TRPM2: variants seen among roughly 807,000 people sequenced by gnomAD.
TRPM2 encodes estrogen-responsive element-associated gene 1 protein.
Under a neutral mutation model 174.0 loss-of-function variants are expected in TRPM2, and 161 were observed. The ratio of observed to expected loss-of-function variants is 0.93; its 90% CI spans 0.81 to 1.05. The LOEUF (loss-of-function observed/expected upper bound fraction) is 1.05. Among genes scored for constraint, TRPM2 ranks in the 50% least tolerant of loss-of-function variants. TRPM2 has a pLI of 0.00. For missense variants in TRPM2, 2,057 were observed against 2,038.0 expected, an observed-to-expected ratio of 1.01 and a Z score of -0.18; for synonymous variants, 954 against 861.3, an observed-to-expected ratio of 1.11 and a Z score of -1.88.
intron 5 of TRPM2, among the ~76,000 whole-genome samples, chr21:44,370,086 C>G (rs1299961451): frequency 6.6e-6 from 1 of 152,082 alleles, no homozygotes; most frequent in Non-Finnish European, 1.5e-5. Context: ...CCAGGTGACC[C>G]CGGACAAACG....
At chr21:44,351,109 C>G (rs1262981351), upstream of TRPM2, among the ~76,000 whole-genome samples, 4 of 152,360 alleles carry the variant, frequency 2.6e-5, no homozygotes, top group African/African-American at 9.6e-5. Context: ...CCTGCCCAGA[C>G]AGAACCTTCC....
intron 2 of TRPM2, among the ~76,000 whole-genome samples, chr21:44,356,800 T>G (rs971833631): frequency 6.6e-6 from 1 of 152,176 alleles, no homozygotes; most frequent in Non-Finnish European, 1.5e-5. Context: ...GGATTATTCA[T>G]GAGTTTTATG....
chr21:44,425,364 C>G (rs139539692), intron 24 of TRPM2: 6 of 407,268 alleles, frequency 1.5e-5, no homozygotes, highest in Non-Finnish European at 2.2e-5. Context: ...TGAGTTTCGC[C>G]GGCCCTCAAG....
chr21:44,406,522 C>T (rs1367808340), intron 18 of TRPM2, 72 bp from the exon 19 acceptor site: 1 of 1,512,752 alleles, frequency 6.6e-7, no homozygotes, highest in Non-Finnish European at 8.8e-7. Context: ...TCCACCGCTG[C>T]TGGGCCTGCC....
At chr21:44,395,009 C>T (rs1411334354) in intron 11 of TRPM2, among the ~76,000 whole-genome samples, 1 of 152,168 alleles carries the variant, frequency 6.6e-6, no homozygotes, top group Non-Finnish European at 1.5e-5. Context: ...AGTGGCCTCT[C>T]TGCCAGAGAC....
rs545883415 is a variant in TRPM2 at position 44,423,291 on chromosome 21, C to G, written c.3462-354C>G. 58 of 303,626 alleles carry G rather than the reference C, an allele frequency of 1.9e-4. No individual in the cohort carries two copies. In the South Asian group the frequency reaches 2.2e-3, roughly 12 times the overall value. The allele number at this position is 303,626 out of a possible 1,614,324, so 18.8% of individuals were successfully genotyped here. A position where few individuals can be genotyped will look rare whatever the true frequency, so the allele number is the denominator to read the frequency against. On this transcript the variant is annotated intron_variant, in intron 22 of 31. Transcript: ENST00000397928. ...AGCAACAGTGCCGCGCCACATCACC[C>G]CCAAAACAAAACCAACCTCTGCTGT...
At chr21:44,409,042 G>A (rs1395167743) in intron 19 of TRPM2, among the ~76,000 whole-genome samples, 1 of 152,082 alleles carries the variant, frequency 6.6e-6, no homozygotes, top group Admixed American at 6.6e-5. Context: ...TTTACGTAAG[G>A]ATGCCAGTCT....
intron 6 of TRPM2, 120 bp from the exon 7 acceptor site, chr21:44,377,592 A>C: frequency 7.5e-7 from 1 of 1,337,582 alleles, no homozygotes; most frequent in Non-Finnish European, 1.1e-6. Context: ...CCCTCAGTGC[A>C]GGGTCTTGCC....
chr21:44,364,284 T>C lies in TRPM2; in HGVS notation c.423+2T>C. 1 of 1,613,840 alleles carries C rather than the reference T, an allele frequency of 6.2e-7. No individual in the cohort carries two copies. The highest frequency in any genetic ancestry group is 2.2e-5 in the East Asian group (1 of 44,876). Reference sequence around the variant, plus strand: ...GGCCTGAGCCAGAAGGTGAAAAAGGTTGGTTTCCATCACTCTCGCTCTGAA... The same window carrying C: ...GGCCTGAGCCAGAAGGTGAAAAAGGCTGGTTTCCATCACTCTCGCTCTGAA... On this transcript the variant is annotated splice_donor_variant, in intron 3 of 31. Transcript: ENST00000397928. LOFTEE classifies it high-confidence loss of function.
intron 22 of TRPM2, chr21:44,422,182 CTG>C: frequency 7.0e-7 from 1 of 1,438,824 alleles, no homozygotes; most frequent in Non-Finnish European, 9.2e-7. Context: ...AGTGAAGAAG[CTG>C]GGCACCTGGG....
chr21:44,367,451 T>C lies in TRPM2; in HGVS notation c.604+517T>C, dbSNP rs532151152. 6.6e-6 allele frequency among the ~76,000 whole-genome samples: 1 copy of C among 152,224 alleles called. No individual in the cohort carries two copies. The highest frequency in any genetic ancestry group is 1.5e-5 in the Non-Finnish European group (1 of 68,034). On this transcript the variant is annotated intron_variant, in intron 4 of 31. Coordinates refer to ENST00000397928, the MANE Select transcript of TRPM2 (RefSeq NM_003307.4). This position sits in a 1 kb window ranked among gnomAD's most constrained non-coding sequence, Gnocchi z 4.6. ...TTTCCATCTCTTCACTTAAGGCAAC[T>C]GCCTGGTTGGAGTCAAATCACCTCC...
chr21:44,397,992 G>A, intron 13 of TRPM2, 116 bp downstream of exon 13: 1 of 1,298,434 alleles, frequency 7.7e-7, no homozygotes, highest in Non-Finnish European at 1.0e-6. Flanking sequence ...CCTCGTCCCT[G>A]GGCCTCAGCC....
chr21:44,375,916 C>T lies in TRPM2; in HGVS notation c.855C>T (p.Ile285=). ...TCLDSNHSHF[I]LVDDGTHGQY... is the part of the protein sequence containing the mutation. The stretch of plus-strand genomic sequence containing the variant: ...TAGACAGCAACCACTCTCACTTCAT[C>T]CTCGTGGACGACGGGACCCACGGCC... Residue 285 remains isoleucine, a synonymous_variant, in exon 6 of 32, where the codon ATC becomes ATT. Transcript: ENST00000397928. 1 of 1,614,116 alleles carries T rather than the reference C, an allele frequency of 6.2e-7. No homozygotes were observed. The highest frequency in any genetic ancestry group is 2.2e-5 in the East Asian group (1 of 44,890).
At chr21:44,378,897 C>T (rs2048787768) in intron 7 of TRPM2, 100 bp from the exon 8 acceptor site, 1 of 1,306,988 alleles carries the variant, frequency 7.7e-7, no homozygotes, top group Non-Finnish European at 1.1e-6. Context: ...GTAGTGTTAG[C>T]CAGCTCTGCC....
intron 9 of TRPM2, among the ~76,000 whole-genome samples, chr21:44,386,919 G>A (rs2049033503): frequency 6.6e-6 from 1 of 152,158 alleles, no homozygotes; most frequent in Non-Finnish European, 1.5e-5. Flanking sequence ...GCTGGGTGTG[G>A]TGGCTCATGC....
upstream of TRPM2, among the ~76,000 whole-genome samples, chr21:44,351,923 C>T (rs1357774391): frequency 1.3e-5 from 2 of 152,232 alleles, no homozygotes; most frequent in African/African-American, 2.4e-5. Context: ...AGCGTGTGAA[C>T]AGAACATGCT....
intron 9 of TRPM2, among the ~76,000 whole-genome samples, chr21:44,389,108 ATCTG>A (rs1487327838): frequency 6.6e-6 from 1 of 151,856 alleles, no homozygotes; most frequent in Non-Finnish European, 1.5e-5. Flanking sequence ...TCTGGAAATC[ATCTG>A]TCTGCTTTCT....
chr21:44,408,063 A>G (rs1468407212), intron 19 of TRPM2, among the ~76,000 whole-genome samples: 1 of 151,812 alleles, frequency 6.6e-6, no homozygotes, highest in Non-Finnish European at 1.5e-5. Flanking sequence ...CTCCTGCCTC[A>G]GCCTCCCGAG....
In TRPM2 at chr21:44,377,659, G is replaced by A. The variant is rs962767646; in HGVS notation, c.953-53G>A. On this transcript the variant is annotated intron_variant, in intron 6 of 31. Coordinates refer to ENST00000397928, the MANE Select transcript of TRPM2 (RefSeq NM_003307.4). ...CTTTGTTCAGGTGTGGCCCTCACTC[G>A]GCTCCGTGCTTTGTTTAGGTGTGGC... 29 of 1,608,984 alleles carry A rather than the reference G, an allele frequency of 1.8e-5. No homozygotes were observed. The Admixed American group carries it at 2.0e-4, about 11-fold the overall frequency.
Sources: gnomAD v4.1 joint callset for allele counts (sites outside exome capture counted in the v4.1 genomes callset) on GRCh38, gnomAD v4.1.1 for gene constraint, Gnocchi (gnomAD v3.1) non-coding constraint, MANE v1.5 for transcripts, NCBI Gene and HGNC (gene_info 2026-07-23, HGNC 2026-07-21) for gene names.